The following HSP90AA1 variants were observed in gnomAD, a reference collection of about 807,000 sequenced individuals.
The protein encoded by HSP90AA1 is heat shock protein 90 alpha family class A member 1, also known as heat shock protein HSP 90-alpha.
HSP90AA1 carries 18 observed loss-of-function variants against 73.3 expected under a neutral mutation model. That is an observed-to-expected ratio of 0.25 (90% CI 0.17 to 0.36). The LOEUF is 0.36. HSP90AA1 is among the 10% of genes least tolerant of loss of function. The probability of loss-of-function intolerance (pLI) is 1.00; values close to 1 mark genes in which losing one functional copy is unlikely to be tolerated. For missense variants in HSP90AA1, 704 were observed against 874.2 expected (o/e 0.81, Z 2.45); for synonymous variants, 477 against 296.9 (o/e 1.61, Z -6.24).
rs776344034 is a variant in HSP90AA1, at chr14:102,083,092, G to T, written c.1697C>A (p.Thr566Lys). Residue 566 changes from threonine (T) to lysine (K), a missense_variant, in exon 9 of 11, where the codon ACA (threonine) becomes AAA (lysine). Coordinates refer to ENST00000216281, the MANE Select transcript of HSP90AA1 (RefSeq NM_005348.4). ...EEKKKQEEKK[T>K]KFENLCKIMK... ...GATTTTGCAGAGGTTCTCAAACTTTGTTTTTTTCTCTTCCTGCTTCTTTTT... is the reference window on the plus strand; with the variant it reads ...GATTTTGCAGAGGTTCTCAAACTTTTTTTTTTTCTCTTCCTGCTTCTTTTT... The T allele has an allele frequency of 5.0e-6, 8 of 1,613,574 alleles. No individual in the cohort carries two copies. The highest frequency in any genetic ancestry group is 1.6e-4 in the Middle Eastern group (1 of 6,078).
chr14:102,087,566 T>A (rs1329739286), upstream of HSP90AA1, among the ~76,000 whole-genome samples: 1 of 152,088 alleles, frequency 6.6e-6, no homozygotes, highest in East Asian at 1.9e-4. Flanking sequence ...GCCGTCGTCC[T>A]GACTGGCGCC....
At chr14:102,088,589 G>A (rs528783977), upstream of HSP90AA1, among the ~76,000 whole-genome samples, 2 of 152,188 alleles carry the variant, frequency 1.3e-5, no homozygotes, top group African/African-American at 4.8e-5. Context: ...GTGGTGACCG[G>A]GTGTGTGCCT....
In HSP90AA1 at chr14:102,086,006, G is replaced by A. The variant is rs1048447399; in HGVS notation, c.281C>T (p.Thr94Ile). Residue 94 changes from threonine (T) to isoleucine (I), a missense_variant, in exon 3 of 11, where the codon ACT (threonine) becomes ATT (isoleucine). Thr to Ile is a moderately conservative substitution (Grantham distance 89, BLOSUM62 -1). Transcript: ENST00000216281. ...GTCAGCCTTGGTCATTCCAATTCCA[G>A]TATCCACAATAGTGAGAGTTCGATC... ...KQDRTLTIVD[T>I]GIGMTKADLI... is the part of the protein sequence containing the mutation. The A allele has an allele frequency of 1.9e-6, 3 of 1,613,802 alleles. No homozygotes were observed. Among genetic ancestry groups the A allele is most frequent in the Non-Finnish European group, 2.5e-6 (3 of 1,179,868 alleles).
intron 9 of HSP90AA1, 109 bp from the exon 10 acceptor site, chr14:102,082,553 A>G: frequency 1.3e-6 from 1 of 782,772 alleles, no homozygotes; most frequent in Non-Finnish European, 2.2e-6. Context: ...AATACTATCT[A>G]CTGTCAAATA....
chr14:102,110,090 C>A (rs998111590), intron 1 of HSP90AA1, among the ~76,000 whole-genome samples: 2 of 151,860 alleles, frequency 1.3e-5, no homozygotes, highest in African/African-American at 2.4e-5. Context: ...CCTGCCACCA[C>A]GCCTGGCTAA....
At position 102,111,331 on chromosome 14, in the gene HSP90AA1, G is replaced by C. The variant is rs1409653456; in HGVS notation, c.156-9246C>G. 2.0e-5 allele frequency among the ~76,000 whole-genome samples: 3 copies of C among 152,228 alleles called. No homozygotes were observed. In the East Asian group the frequency reaches 5.8e-4, roughly 29 times the overall value. ...TAGAGACTTGGTGCCCTGAGTCCCA[G>C]CCACTCCAGCCATGGCTAAAAGGGG... On this transcript the variant is annotated intron_variant, in intron 1 of 11. Transcript: ENST00000334701.
chr14:102,134,707 T>C (rs2049959354), intron 1 of HSP90AA1, among the ~76,000 whole-genome samples: 1 of 152,162 alleles, frequency 6.6e-6, no homozygotes, highest in African/African-American at 2.4e-5. Context: ...GGAGTGAAGC[T>C]GCAAATCTTC....
Position 102,139,240 on chromosome 14 carries a change from C to G in HSP90AA1, c.155+10G>C, listed in dbSNP as rs369594448. The G allele has an allele frequency of 1.3e-4, 213 of 1,614,088 alleles. 1 individual carries two copies. The African/African-American group carries it at 2.6e-3, about 20-fold the overall frequency. ...ACATAGTGAAGCGTAAATCTTGAGT[C>G]CCTTGGTACCTTCTCAGAAACGGCG... On this transcript the variant is annotated intron_variant, in intron 1 of 11. Coordinates refer to the HSP90AA1 transcript ENST00000334701.
Position 102,125,126 on chromosome 14 carries a change from G to C in HSP90AA1, c.155+14124C>G, listed in dbSNP as rs901918868. Among the ~76,000 whole-genome samples the C allele has an allele frequency of 3.3e-5, 5 of 152,022 alleles. No individual in the cohort carries two copies. In the East Asian group the frequency reaches 9.7e-4, roughly 29 times the overall value. On this transcript the variant is annotated intron_variant, in intron 1 of 11. Coordinates refer to the HSP90AA1 transcript ENST00000334701. ...CCCATCTCAGCCTCCCAAGTAGCTG[G>C]GACTATAGCCATGTATCACCATATC...
chr14:102,106,230 T>C lies in HSP90AA1; in HGVS notation c.156-4145A>G, dbSNP rs2049566121. On this transcript the variant is annotated intron_variant, in intron 1 of 11. Transcript: ENST00000334701. ...CAGAAACAGCTTTCTCAATCAATGG[T>C]TCTTGACCACTAAAAGCATCTGTCC... Among the ~76,000 whole-genome samples the C allele has an allele frequency of 2.0e-5, 3 of 152,324 alleles. No individual in the cohort carries two copies. In the South Asian group the frequency reaches 6.2e-4, roughly 32 times the overall value.
In HSP90AA1 at chr14:102,107,989, G is replaced by C. The variant is rs2049589715; in HGVS notation, c.156-5904C>G. On this transcript the variant is annotated intron_variant, in intron 1 of 11. Coordinates refer to the HSP90AA1 transcript ENST00000334701. ...TTAGAATTGGGGCCTTGAAGCCCAG[G>C]TGCAATGGCTCACACCTGTAATACC... is the stretch of plus-strand genomic sequence containing the variant. 2.7e-5 allele frequency among the ~76,000 whole-genome samples: 4 copies of C among 150,220 alleles called. No homozygotes were observed. In the South Asian group the frequency reaches 6.3e-4, roughly 24 times the overall value.
Position 102,086,357 on chromosome 14 carries a change from G to C in HSP90AA1, c.22C>G (p.Gln8Glu). MPEETQT[Q>E]DQPMEEEEVE... ...TCCTCCTCCTCCATCGGTTGGTCTT[G>C]GGTCTGGGTTTCCTCAGGCATCTGG... is the stretch of plus-strand genomic sequence containing the variant. Residue 8 changes from glutamine (Q) to glutamate (E), a missense_variant, in exon 2 of 11, where the codon CAA (glutamine) becomes GAA (glutamate). Transcript: ENST00000216281. 2 of 1,614,172 alleles carry C rather than the reference G, an allele frequency of 1.2e-6. No individual in the cohort carries two copies. Among genetic ancestry groups the C allele is most frequent in the South Asian group, 1.1e-5 (1 of 91,092 alleles).
At chr14:102,115,515 A>C (rs935556946) in intron 1 of HSP90AA1, among the ~76,000 whole-genome samples, 3 of 152,172 alleles carry the variant, frequency 2.0e-5, no homozygotes, top group African/African-American at 7.2e-5. Flanking sequence ...CGCTTGTAAC[A>C]GTTTTACACC....
intron 1 of HSP90AA1, among the ~76,000 whole-genome samples, chr14:102,124,190 A>ATTTTTTTTTTTTTTTTTTTTTAT (rs35232557): frequency 7.8e-6 from 1 of 128,142 alleles, no homozygotes; most frequent in African/African-American, 2.9e-5. Context: ...TTGAATGCTA[A>ATTTTTTTTTTTTTTTTTTTTTAT]TTTTTTTTTT....
At chr14:102,088,094 G>A (rs1187153114), upstream of HSP90AA1, among the ~76,000 whole-genome samples, 4 of 151,846 alleles carry the variant, frequency 2.6e-5, no homozygotes, top group Non-Finnish European at 5.9e-5. Context: ...ACGAGCGTGG[G>A]CAGAGGACCA....
intron 1 of HSP90AA1, 120 bp downstream of exon 1, chr14:102,086,866 G>C: frequency 3.9e-6 from 2 of 507,130 alleles, no homozygotes; most frequent in Non-Finnish European, 5.1e-6. Context: ...CGGCCGCCCG[G>C]GAGCGCGGCC....
At chr14:102,109,299 A>G (rs2049609655) in intron 1 of HSP90AA1, among the ~76,000 whole-genome samples, 1 of 152,184 alleles carries the variant, frequency 6.6e-6, no homozygotes, top group Non-Finnish European at 1.5e-5. Context: ...TCCAAGTTGA[A>G]TATCCCTGAT....
intron 2 of HSP90AA1, 36 bp from the exon 3 acceptor site, chr14:102,086,160 C>T (rs1192979222): frequency 1.2e-6 from 2 of 1,613,786 alleles, no homozygotes; most frequent in African/African-American, 2.7e-5. Flanking sequence ...GCATACAGCA[C>T]CCCCAAGAAG....
rs762597312 is a variant in HSP90AA1 at position 102,122,657 on chromosome 14, C to CT, written c.155+16592dup. ...CACTCCTGCCATTACTCTTCTTTTT[C>CT]TTTTTTTTATTTTTTATATATATTT... On this transcript the variant is annotated intron_variant, in intron 1 of 11. Transcript: ENST00000334701. 7.9e-5 allele frequency among the ~76,000 whole-genome samples: 12 copies of CT among 151,458 alleles called. No homozygotes were observed. In the South Asian group the frequency reaches 8.3e-4, roughly 11 times the overall value.
Sources: allele counts gnomAD v4.1 joint callset (sites outside exome capture counted in the v4.1 genomes callset), GRCh38; gene constraint gnomAD v4.1.1; transcripts MANE v1.5; gene names NCBI Gene and HGNC (gene_info 2026-07-23, HGNC 2026-07-21).